The following SYVN1 variants were observed in gnomAD, a reference collection of about 807,000 sequenced individuals.
SYVN1 encodes E3 ubiquitin-protein ligase synoviolin.
SYVN1 carries 17 observed loss-of-function variants against 62.6 expected under a neutral mutation model. The ratio of observed to expected loss-of-function variants is 0.27; its 90% CI spans 0.19 to 0.41. SYVN1 has a LOEUF of 0.41. Among genes scored for constraint, SYVN1 ranks in the 10% least tolerant of loss-of-function variants. SYVN1 has a pLI of 1.00. For missense variants in SYVN1, 634 were observed against 818.0 expected, an observed-to-expected ratio of 0.78 and a Z score of 2.74; for synonymous variants, 316 against 304.0, an observed-to-expected ratio of 1.04 and a Z score of -0.41.
chr11:65,131,252 C>T (rs556127433), intron 8 of SYVN1, 22 bp downstream of exon 8: 7 of 1,613,736 alleles, frequency 4.3e-6, no homozygotes, highest in East Asian at 2.2e-5. Context: ...TCAGGAGGAT[C>T]GGGGGACAGG....
rs756370525 is a variant in SYVN1, at chr11:65,133,636, A to AT, written c.-17-19dup. The AT allele has an allele frequency of 6.3e-7, 1 of 1,597,908 alleles. No individual in the cohort carries two copies. Among genetic ancestry groups the AT allele is most frequent in the Non-Finnish European group, 8.5e-7 (1 of 1,175,964 alleles). On this transcript the variant is annotated intron_variant, in intron 1 of 15. Transcript: ENST00000377190. ...CCGGAGACCTGCATGGGGCAAGAAA[A>AT]TAACTTATGTGATGCTCGTGCTGTG...
chr11:65,131,508 T>C lies in SYVN1; in HGVS notation c.620A>G (p.Asn207Ser), dbSNP rs1300461770. Residue 207 changes from asparagine to serine, a missense_variant, in exon 7 of 16, where the codon AAC becomes AGC. Physicochemically the swap from Asn to Ser is conservative, Grantham distance 46. Coordinates refer to ENST00000377190, the MANE Select transcript of SYVN1 (RefSeq NM_172230.3). ...VDLQSENPWD[N>S]KAVYMLYTEL... is the part of the protein sequence containing the mutation. ...TGTGTAGAGCATGTACACAGCCTTGTTGTCCCAGGGGTTCTCACTCTGGAG... is the reference window on the plus strand; with the variant it reads ...TGTGTAGAGCATGTACACAGCCTTGCTGTCCCAGGGGTTCTCACTCTGGAG... The C allele has an allele frequency of 1.9e-6, 3 of 1,614,092 alleles. No homozygotes were observed. The highest frequency in any genetic ancestry group is 2.5e-6 in the Non-Finnish European group (3 of 1,180,004).
chr11:65,131,437 G>A lies in SYVN1; in HGVS notation c.658+33C>T, dbSNP rs181960599. On this transcript the variant is annotated intron_variant, in intron 7 of 15. Transcript: ENST00000377190. ...CCAGGAGGCAGAGTGGAGGATGCTGGTCCAGATCAGGAGAGGCCCAGGCCC... is the reference window on the plus strand; with the variant it reads ...CCAGGAGGCAGAGTGGAGGATGCTGATCCAGATCAGGAGAGGCCCAGGCCC... The A allele has an allele frequency of 2.4e-5, 39 of 1,613,978 alleles. No homozygotes were observed. The East Asian group carries it at 8.5e-4, about 35-fold the overall frequency.
chr11:65,132,217 T>C (rs1948189672), intron 6 of SYVN1, 31 bp downstream of exon 6: 1 of 1,561,076 alleles, frequency 6.4e-7, no homozygotes, highest in African/African-American at 1.4e-5. Flanking sequence ...CACCTCGGGC[T>C]TGTCCTCTCA....
At position 65,128,196 on chromosome 11, in the gene SYVN1, C is replaced by G. The variant is rs927372607; in HGVS notation, c.*186G>C. 2.0e-5 allele frequency: 12 copies of G among 609,200 alleles called. No individual in the cohort carries two copies. Among genetic ancestry groups the G allele is most frequent in the Non-Finnish European group, 3.5e-5 (12 of 343,596 alleles). 37.7% of individuals were successfully genotyped at this position (609,200 alleles called of 1,614,324 possible). A position where few individuals can be genotyped will look rare whatever the true frequency, so the allele number is the denominator to read the frequency against. ...AACTGACCCGAGATCCCCATGGCTGCCTGGGACTGGAGTCAAATGGGAACC... is the reference window on the plus strand; with the variant it reads ...AACTGACCCGAGATCCCCATGGCTGGCTGGGACTGGAGTCAAATGGGAACC... On this transcript the variant is annotated 3_prime_UTR_variant, in exon 16 of 16. Coordinates refer to ENST00000377190, the MANE Select transcript of SYVN1 (RefSeq NM_172230.3).
intron 2 of SYVN1, 85 bp downstream of exon 2, chr11:65,133,385 A>T (rs1015699554): frequency 1.3e-6 from 2 of 1,588,998 alleles, no homozygotes; most frequent in African/African-American, 2.7e-5. Flanking sequence ...TTCCCTACTT[A>T]CCTGACCTCT....
In SYVN1 at chr11:65,130,803, T is replaced by A; in HGVS notation, c.962A>T (p.Gln321Leu). ...FHTSCLRSWFQRQQTCPTCRM... is the reference protein window; with the variant it reads ...FHTSCLRSWFLRQQTCPTCRM... ...GCAGGTGGGGCAGGTCTGCTGCCGC[T>A]GGAACCAGGAGCGCAGGCAGCTGCG... is the stretch of plus-strand genomic sequence containing the variant. The change falls in exon 11 of 16, where the codon CAG (glutamine) becomes CTG (leucine). Residue 321 changes from glutamine to leucine, a missense_variant. Physicochemically the swap from Gln to Leu is moderately radical, Grantham distance 113. Coordinates refer to ENST00000377190, the MANE Select transcript of SYVN1 (RefSeq NM_172230.3). 1.3e-6 allele frequency: 2 copies of A among 1,555,630 alleles called. No homozygotes were observed. Among genetic ancestry groups the A allele is most frequent in the Non-Finnish European group, 1.7e-6 (2 of 1,156,354 alleles).
rs371222887 is a variant in SYVN1 at position 65,132,197 on chromosome 11, C to T, written c.531+51G>A. 9.9e-6 allele frequency: 14 copies of T among 1,414,844 alleles called. No homozygotes were observed. The African/African-American group carries it at 1.5e-4, about 16-fold the overall frequency. The allele number at this position is 1,414,844 out of a possible 1,614,324, so 87.6% of individuals were successfully genotyped here. A position where few individuals can be genotyped will look rare whatever the true frequency, so the allele number is the denominator to read the frequency against. On this transcript the variant is annotated intron_variant, in intron 6 of 15. Transcript: ENST00000377190. ...AGGGTCTGTTGGGTTATTCAAGGCA[C>T]ATGTGGGGTCACCTCGGGCTTGTCC...
In SYVN1 at chr11:65,133,593, G is replaced by A. The variant is rs373099446; in HGVS notation, c.9C>T (p.Arg3=). The A allele has an allele frequency of 4.7e-5, 75 of 1,609,912 alleles. No homozygotes were observed. Among genetic ancestry groups the A allele is most frequent in the Admixed American group, 8.3e-5 (5 of 60,006 alleles). MF[R]TAVMMAASLA... The stretch of plus-strand genomic sequence containing the variant: ...GGCTGGCCGCCATCATCACTGCCGT[G>A]CGGAACATTGCCCTGGCCCGGAGAC... The change falls in exon 2 of 16, where the codon CGC becomes CGT. Residue 3 remains arginine, a synonymous_variant. Transcript: ENST00000377190.
chr11:65,130,608 C>T, intron 11 of SYVN1, 52 bp downstream of exon 11: 1 of 1,491,132 alleles, frequency 6.7e-7, no homozygotes, highest in South Asian at 1.4e-5. Context: ...CACATCCAGC[C>T]CAGGGCAAGT....
chr11:65,128,878 G>GTGACTGGAC (rs1948138852), intron 14 of SYVN1, 164 bp from the exon 15 acceptor site: 9 of 735,350 alleles, frequency 1.2e-5, no homozygotes, highest in Non-Finnish European at 4.3e-6. Flanking sequence ...CTCAGACAGG[G>GTGACTGGAC]TGACTGGACT....
At chr11:65,132,501 A>G in intron 5 of SYVN1, 150 bp from the exon 6 acceptor site, 1 of 751,892 alleles carries the variant, frequency 1.3e-6, no homozygotes, top group South Asian at 1.7e-5. Flanking sequence ...CCCTCTGGGA[A>G]CTTCCTGGGG....
At chr11:65,131,228 G>A (rs1948175495) in intron 8 of SYVN1, 31 bp from the exon 9 acceptor site, 8 of 1,614,046 alleles carry the variant, frequency 5.0e-6, no homozygotes, top group Non-Finnish European at 5.9e-6. Context: ...AGCAGGAGAA[G>A]GGACGGGATC....
chr11:65,130,345 G>T lies in SYVN1; in HGVS notation c.1140C>A (p.Gly380=), dbSNP rs34178013. ...PQGLLPPFPP[G]MFPLWPPMGP... Reference sequence around the variant, plus strand: ...CCATGGGGGGCCACAGTGGGAACATGCCTGGAGGAAAAGGAGGCAGGAGGC... The same window carrying T: ...CCATGGGGGGCCACAGTGGGAACATTCCTGGAGGAAAAGGAGGCAGGAGGC... Residue 380 remains glycine (G), a synonymous_variant, in exon 12 of 16, where the codon GGC becomes GGA. Coordinates refer to ENST00000377190, the MANE Select transcript of SYVN1 (RefSeq NM_172230.3). 2.5e-4 allele frequency: 394 copies of T among 1,555,232 alleles called. No homozygotes were observed. Among genetic ancestry groups the T allele is most frequent in the Non-Finnish European group, 3.3e-4 (379 of 1,152,792 alleles).
Position 65,133,471 on chromosome 11 carries a change from G to A in SYVN1, c.131C>T (p.Ala44Val). Residue 44 changes from alanine to valine, a missense_variant and splice_region_variant, in exon 2 of 16, where the codon GCA becomes GTA. By Grantham distance (64) the Ala-to-Val change is moderately conservative (BLOSUM62 0). Transcript: ENST00000377190. ...TCCCTCCCTGAGCCCTGAACTCACTGCCATGCTGGGGCTGGACTTGGTCAG... is the reference window on the plus strand; with the variant it reads ...TCCCTCCCTGAGCCCTGAACTCACTACCATGCTGGGGCTGGACTTGGTCAG... ...VYLTKSSPSM[A>V]VLYIQAFVLV... 6.2e-7 allele frequency: 1 copy of A among 1,613,710 alleles called. No homozygotes were observed. The highest frequency in any genetic ancestry group is 1.1e-5 in the South Asian group (1 of 91,086).
In SYVN1 at chr11:65,132,799, G is replaced by C. The variant is rs3825073; in HGVS notation, c.379-19C>G. 5 of 1,613,828 alleles carry C rather than the reference G, an allele frequency of 3.1e-6. No homozygotes were observed. Among genetic ancestry groups the C allele is most frequent in the South Asian group, 1.1e-5 (1 of 91,086 alleles). On this transcript the variant is annotated intron_variant, in intron 4 of 15. Coordinates refer to ENST00000377190, the MANE Select transcript of SYVN1 (RefSeq NM_172230.3). Reference sequence around the variant, plus strand: ...GTTCCATCTGAGGCAGAGCACAGAAGAGGCCTGTCAGGAGGCCTGGGGCTC... The same window carrying C: ...GTTCCATCTGAGGCAGAGCACAGAACAGGCCTGTCAGGAGGCCTGGGGCTC...
rs375698048 is a variant in SYVN1 at position 65,129,752 on chromosome 11, G to A, written c.1572C>T (p.Tyr524=). ...ACCCCAAGGAGGCCAGCACGGTGAG[G>A]TACTGGTTGATCTGCAGCATGGCGG... The part of the protein sequence containing the change: ...LDAAMLQINQ[Y]LTVLASLGPP... The change falls in exon 14 of 16, where the codon TAC becomes TAT. Residue 524 remains tyrosine, a synonymous_variant. Coordinates refer to ENST00000377190, the MANE Select transcript of SYVN1 (RefSeq NM_172230.3). The A allele has an allele frequency of 5.0e-6, 8 of 1,614,108 alleles. No individual in the cohort carries two copies. The Admixed American group carries it at 1.3e-4, about 27-fold the overall frequency.
rs1948181297 is a variant in SYVN1 at position 65,131,612 on chromosome 11, G to T, written c.532-16C>A. On this transcript the variant is annotated splice_polypyrimidine_tract_variant and intron_variant, in intron 6 of 15. Transcript: ENST00000377190. ...GGATGGCATACTGAAGGGAGAGGGG[G>T]ACGAGGGGGATGTAAACACATAGCT... 6.2e-7 allele frequency: 1 copy of T among 1,612,128 alleles called. No individual in the cohort carries two copies. The highest frequency in any genetic ancestry group is 8.5e-7 in the Non-Finnish European group (1 of 1,179,840).
chr11:65,131,710 G>A, intron 6 of SYVN1, 114 bp from the exon 7 acceptor site: 1 of 1,324,062 alleles, frequency 7.6e-7, no homozygotes, highest in South Asian at 1.4e-5. Flanking sequence ...ACAGGCTCTA[G>A]ACACACCCAG....
Sources: allele counts gnomAD v4.1 joint callset, GRCh38; gene constraint gnomAD v4.1.1; transcripts MANE v1.5; gene names NCBI Gene and HGNC (gene_info 2026-07-23, HGNC 2026-07-21).